CREBBP: variants seen among roughly 807,000 people sequenced by gnomAD.
The protein encoded by CREBBP is CREB-binding protein.
Under a neutral mutation model 265.0 loss-of-function variants are expected in CREBBP, and 19 were observed. That is an observed-to-expected ratio of 0.07 (90% CI 0.05 to 0.11). The LOEUF is 0.11. CREBBP is among the 10% of genes least tolerant of loss of function. The probability of loss-of-function intolerance (pLI) is 1.00; values close to 1 mark genes in which losing one functional copy is unlikely to be tolerated. For synonymous variants in CREBBP, 1,457 were observed against 1,223.7 expected, an observed-to-expected ratio of 1.19 and a Z score of -3.98; for missense variants, 2,525 against 3,219.0, an observed-to-expected ratio of 0.78 and a Z score of 5.22.
chr16:3,760,856 T>C (rs572464098), intron 16 of CREBBP, among the ~76,000 whole-genome samples: 11 of 152,304 alleles, frequency 7.2e-5, no homozygotes, highest in African/African-American at 9.6e-5. Flanking sequence ...CAGGCTGGTA[T>C]TGAACTCTCG....
intron 2 of CREBBP, among the ~76,000 whole-genome samples, chr16:3,812,205 G>C (rs367665367): frequency 6.6e-6 from 1 of 151,932 alleles, no homozygotes; most frequent in African/African-American, 2.4e-5. Context: ...TTTTGAGAGT[G>C]TGTCACTCTG....
chr16:3,871,195 TCACTCACACACACACACACACA>T (rs2055290849), intron 1 of CREBBP, among the ~76,000 whole-genome samples: 1 of 79,110 alleles, frequency 1.3e-5, no homozygotes, highest in East Asian at 5.4e-4. Flanking sequence ...TCTCTCTCTC[TCACTCACACACACACACACACA>T]CACACACACA....
intron 3 of CREBBP, among the ~76,000 whole-genome samples, chr16:3,806,604 T>C (rs1415975163): frequency 6.6e-6 from 1 of 152,068 alleles, no homozygotes; most frequent in Non-Finnish European, 1.5e-5. Context: ...TTTGTGAAAA[T>C]GTCAGAAAGC....
At chr16:3,756,001 GTTA>G (rs1406185037) in intron 19 of CREBBP, among the ~76,000 whole-genome samples, 2 of 151,970 alleles carry the variant, frequency 1.3e-5, no homozygotes, top group Non-Finnish European at 2.9e-5. Flanking sequence ...TTTGATGGGA[GTTA>G]TTACTTATCT....
intron 3 of CREBBP, among the ~76,000 whole-genome samples, chr16:3,809,982 C>CAAAACTATT (rs1393035022): frequency 7.9e-5 from 12 of 151,946 alleles, no homozygotes; most frequent in African/African-American, 2.9e-4. Flanking sequence ...CGCACTACCC[C>CAAAACTATT]TCAGTGTTTT....
Position 3,729,416 on chromosome 16 carries a change from C to T in CREBBP, c.5631G>A (p.Val1877=), listed in dbSNP as rs1429769364. Residue 1877 remains valine, a synonymous_variant, in exon 31 of 31, where the codon GTG becomes GTA. Coordinates refer to ENST00000262367, the MANE Select transcript of CREBBP (RefSeq NM_004380.3). ...TAGGAGAAGGCAGACTCTGCTGAGG[C>T]ACGTTGCGGGTGTTCATGGTGGCCA... is the stretch of plus-strand genomic sequence containing the variant. ...RRMATMNTRN[V]PQQSLPSPTS... is the part of the protein sequence containing the mutation. 2 of 1,613,192 alleles carry T rather than the reference C, an allele frequency of 1.2e-6. No homozygotes were observed. Among genetic ancestry groups the T allele is most frequent in the African/African-American group, 1.3e-5 (1 of 74,900 alleles).
intron 25 of CREBBP, 150 bp from the exon 26 acceptor site, chr16:3,738,822 T>C (rs2052134114): frequency 3.0e-6 from 2 of 670,858 alleles, no homozygotes; most frequent in South Asian, 3.3e-5. Flanking sequence ...CACAGCTCAC[T>C]GCAACCTCAA....
Position 3,727,433 on chromosome 16 carries a change from G to C in CREBBP, c.*285C>G. On this transcript the variant is annotated 3_prime_UTR_variant, in exon 31 of 31. Coordinates refer to ENST00000262367, the MANE Select transcript of CREBBP (RefSeq NM_004380.3). ...GAGTCACCAGCAATGACGACAAAAAGAATCCAAACAAAACCCCCCTCCCCC... is the reference window on the plus strand; with the variant it reads ...GAGTCACCAGCAATGACGACAAAAACAATCCAAACAAAACCCCCCTCCCCC... 2.8e-6 allele frequency: 1 copy of C among 352,436 alleles called. No homozygotes were observed. The highest frequency in any genetic ancestry group is 3.9e-5 in the South Asian group (1 of 25,644). The allele number at this position is 352,436 out of a possible 1,614,324, so 21.8% of individuals were successfully genotyped here.
At chr16:3,803,463 C>G (rs1596970249) in intron 3 of CREBBP, among the ~76,000 whole-genome samples, 1 of 152,002 alleles carries the variant, frequency 6.6e-6, no homozygotes, top group East Asian at 1.9e-4. Flanking sequence ...CAAGATCGCG[C>G]CACTGCACTC....
chr16:3,841,114 T>G (rs1329355358), intron 2 of CREBBP: 1 of 153,802 alleles, frequency 6.5e-6, no homozygotes, highest in Non-Finnish European at 1.5e-5. Context: ...ATTTTGATAA[T>G]GAGTTCTAGG....
At chr16:3,744,556 G>C (rs144067960) in intron 23 of CREBBP, among the ~76,000 whole-genome samples, 5 of 152,276 alleles carry the variant, frequency 3.3e-5, no homozygotes, top group African/African-American at 9.6e-5. Context: ...AAGATCCACA[G>C]CCCAAGGCTG....
At position 3,728,716 on chromosome 16, in the gene CREBBP, T is replaced by G. The variant is rs754085674; in HGVS notation, c.6331A>C (p.Asn2111His). The G allele has an allele frequency of 1.2e-6, 2 of 1,613,954 alleles. No homozygotes were observed. Among genetic ancestry groups the G allele is most frequent in the Non-Finnish European group, 1.7e-6 (2 of 1,179,952 alleles). ...GGCTGGGGCTGCATGCCGGGCTGAT[T>G]GGCCACGTACTTGGCTGTGCGCTGT... Reference protein sequence around the residue: ...IKQRTAKYVANQPGMQPQPGL... With the variant: ...IKQRTAKYVAHQPGMQPQPGL... The change falls in exon 31 of 31, where the codon AAT becomes CAT. Residue 2111 changes from asparagine (N) to histidine (H), a missense_variant. Physicochemically the swap from Asn to His is moderately conservative, Grantham distance 68. Coordinates refer to ENST00000262367, the MANE Select transcript of CREBBP (RefSeq NM_004380.3). This position sits in a 1 kb window ranked among gnomAD's most constrained non-coding sequence, Gnocchi z 8.7.
At chr16:3,777,537 G>A (rs2053172272) in intron 11 of CREBBP, 76 bp downstream of exon 11, 1 of 1,435,092 alleles carries the variant, frequency 7.0e-7, no homozygotes, top group Non-Finnish European at 9.8e-7. Flanking sequence ...ATATACAGGG[G>A]GAGAGGAAAA....
intron 3 of CREBBP, among the ~76,000 whole-genome samples, chr16:3,799,868 G>A (rs1409146746): frequency 6.6e-6 from 1 of 152,108 alleles, no homozygotes; most frequent in Non-Finnish European, 1.5e-5. Flanking sequence ...ACAACAATAA[G>A]GCAGACCTTT....
At chr16:3,763,239 T>G (rs1348154971) in intron 16 of CREBBP, among the ~76,000 whole-genome samples, 2 of 151,748 alleles carry the variant, frequency 1.3e-5, no homozygotes, top group East Asian at 1.9e-4. Context: ...GCATGCAAAC[T>G]TGACCTCCTA....
intron 2 of CREBBP, among the ~76,000 whole-genome samples, chr16:3,822,885 G>C (rs1265218711): frequency 2.0e-5 from 3 of 152,162 alleles, no homozygotes; most frequent in Non-Finnish European, 4.4e-5. Flanking sequence ...AGCTGGCTCA[G>C]TCCGCTGCAG....
At chr16:3,771,540 A>T (rs1205815513) in intron 13 of CREBBP, among the ~76,000 whole-genome samples, 1 of 152,086 alleles carries the variant, frequency 6.6e-6, no homozygotes, top group African/African-American at 2.4e-5. Flanking sequence ...AAACACACAC[A>T]TCTACAGCAG....
intron 3 of CREBBP, among the ~76,000 whole-genome samples, chr16:3,793,988 T>C (rs1280003495): frequency 1.3e-5 from 2 of 152,152 alleles, no homozygotes; most frequent in Non-Finnish European, 2.9e-5. Flanking sequence ...AGGTCCCAAA[T>C]GGCCAAACAC....
At chr16:3,851,451 AAAC>A (rs1484360450) in intron 1 of CREBBP, among the ~76,000 whole-genome samples, 2 of 152,142 alleles carry the variant, frequency 1.3e-5, no homozygotes, top group African/African-American at 4.8e-5. Flanking sequence ...TCATATTCTA[AAAC>A]AATAATTAAA....
Sources: allele counts gnomAD v4.1 joint callset (sites outside exome capture counted in the v4.1 genomes callset), GRCh38; gene constraint gnomAD v4.1.1; non-coding constraint Gnocchi (gnomAD v3.1); transcripts MANE v1.5; gene names NCBI Gene and HGNC (gene_info 2026-07-23, HGNC 2026-07-21).